Variants in SERPINA10 observed in about 807,000 individuals in gnomAD.
SERPINA10 encodes protein Z-dependent protease inhibitor.
A neutral mutation model predicts 28.0 loss-of-function variants in SERPINA10; 24 were observed. The observed-to-expected ratio is 0.86, with a 90% CI of 0.62 to 1.20. SERPINA10 has a LOEUF of 1.20. Ranked by LOEUF, SERPINA10 falls within the 50% of genes most tolerant of loss-of-function variation. The pLI is 0.00. For missense variants in SERPINA10, 521 were observed against 537.7 expected (o/e 0.97, Z 0.31); for synonymous variants, 207 against 203.9 (o/e 1.02, Z -0.13).
At chr14:94,289,519 A>G (rs1268923297) in intron 2 of SERPINA10, among the ~76,000 whole-genome samples, 1 of 152,224 alleles carries the variant, frequency 6.6e-6, no homozygotes, top group Non-Finnish European at 1.5e-5. Context: ...TAGGAATCTA[A>G]GGGCAGAGAG....
chr14:94,289,410 C>G (rs368566902), intron 2 of SERPINA10, among the ~76,000 whole-genome samples: 1 of 152,246 alleles, frequency 6.6e-6, no homozygotes, highest in Admixed American at 6.5e-5. Context: ...AATAGATACT[C>G]AGTGTCTGCT....
Position 94,283,401 on chromosome 14 carries a change from A to G in SERPINA10, c.*564T>C, listed in dbSNP as rs1241921685. On this transcript the variant is annotated 3_prime_UTR_variant, in exon 5 of 5. Coordinates refer to ENST00000261994, the MANE Select transcript of SERPINA10 (RefSeq NM_001100607.3). ...CTGCAGTCTCAGTTAACCATGGTCA[A>G]CCATGGTCCAAAAACATTAAATGAA... 1.3e-5 allele frequency: 2 copies of G among 153,638 alleles called. No homozygotes were observed. Among genetic ancestry groups the G allele is most frequent in the Admixed American group, 1.3e-4 (2 of 15,548 alleles). 9.5% of individuals were successfully genotyped at this position (153,638 alleles called of 1,614,324 possible).
Position 94,280,971 on chromosome 14 carries a change from T to C in SERPINA10, c.*2994A>G, listed in dbSNP as rs914262409. 1.3e-5 allele frequency: 2 copies of C among 152,216 alleles called. No homozygotes were observed. The highest frequency in any genetic ancestry group is 4.8e-5 in the African/African-American group (2 of 41,454). 9.4% of individuals were successfully genotyped at this position (152,216 alleles called of 1,614,324 possible). A position where few individuals can be genotyped will look rare whatever the true frequency, so the allele number is the denominator to read the frequency against. On this transcript the variant is annotated 3_prime_UTR_variant, in exon 5 of 5. Coordinates refer to ENST00000261994, the MANE Select transcript of SERPINA10 (RefSeq NM_001100607.3). ...TGAGTCAGTTTTGCCATACAATTAG[T>C]GGATATATGAGAAATCTTTGAATTG... is the stretch of plus-strand genomic sequence containing the variant.
Position 94,280,867 on chromosome 14 carries a change from T to C in SERPINA10, c.*3098A>G, listed in dbSNP as rs1367031778. On this transcript the variant is annotated 3_prime_UTR_variant, in exon 5 of 5. Coordinates refer to ENST00000261994, the MANE Select transcript of SERPINA10 (RefSeq NM_001100607.3). ...GGTTAAATAAGGAGCACATAAAGTT[T>C]TTCTTTATAACCTCTTACACATTTA... is the stretch of plus-strand genomic sequence containing the variant. 1 of 152,198 alleles carries C rather than the reference T, an allele frequency of 6.6e-6. No individual in the cohort carries two copies. The highest frequency in any genetic ancestry group is 1.5e-5 in the Non-Finnish European group (1 of 68,028). 9.4% of individuals were successfully genotyped at this position (152,198 alleles called of 1,614,324 possible).
intron 3 of SERPINA10, among the ~76,000 whole-genome samples, chr14:94,287,311 C>T (rs557185247): frequency 7.6e-4 from 115 of 152,264 alleles, no homozygotes; most frequent in Admixed American, 1.8e-3. Flanking sequence ...CCTGTTCCTC[C>T]CCCTTTCAGT....
rs1895086094 is a variant in SERPINA10 at position 94,288,666 on chromosome 14, CGTCTT to C, written c.719-112_719-108del. 3 of 1,438,426 alleles carry C rather than the reference CGTCTT, an allele frequency of 2.1e-6. No homozygotes were observed. In the East Asian group the frequency reaches 7.1e-5, roughly 34 times the overall value. 89.1% of individuals were successfully genotyped at this position (1,438,426 alleles called of 1,614,324 possible). A position where few individuals can be genotyped will look rare whatever the true frequency, so the allele number is the denominator to read the frequency against. On this transcript the variant is annotated intron_variant, in intron 2 of 4. Transcript: ENST00000261994. ...CTTCTATCTCACTTCTCTCACTTCT[CGTCTT>C]CTCGTTCCAACTAGGAAAGGCGTTC...
chr14:94,284,101 C>G lies in SERPINA10; in HGVS notation c.1199G>C (p.Gly400Ala). 2.5e-6 allele frequency: 4 copies of G among 1,614,102 alleles called. No homozygotes were observed. Among genetic ancestry groups the G allele is most frequent in the Non-Finnish European group, 3.4e-6 (4 of 1,179,936 alleles). The part of the protein sequence containing the change: ...VDERGTEAVA[G>A]ILSEITAYSM... Reference sequence around the variant, plus strand: ...ATAAGCAGTAATTTCTGACAAGATTCCTGCCACTGCCTCAGTGCCCCTTTC... The same window carrying G: ...ATAAGCAGTAATTTCTGACAAGATTGCTGCCACTGCCTCAGTGCCCCTTTC... The change falls in exon 5 of 5, where the codon GGA (glycine) becomes GCA (alanine). Residue 400 changes from glycine (G) to alanine (A), a missense_variant. Coordinates refer to ENST00000261994, the MANE Select transcript of SERPINA10 (RefSeq NM_001100607.3).
At position 94,290,265 on chromosome 14, in the gene SERPINA10, G is replaced by A. The variant is rs1193815477; in HGVS notation, c.329C>T (p.Thr110Ile). The A allele has an allele frequency of 1.2e-6, 2 of 1,614,202 alleles. No homozygotes were observed. The highest frequency in any genetic ancestry group is 1.3e-5 in the African/African-American group (1 of 75,062). Residue 110 changes from threonine (T) to isoleucine (I), a missense_variant, in exon 2 of 5, where the codon ACA (threonine) becomes ATA (isoleucine). Physicochemically the swap from Thr to Ile is moderately conservative, Grantham distance 89 (BLOSUM62 -1). Transcript: ENST00000261994. ...FSPFGMSLAMTGLMLGATGPT... is the reference protein window; with the variant it reads ...FSPFGMSLAMIGLMLGATGPT... Reference sequence around the variant, plus strand: ...CCCTGTGGCCCCCAGCATCAAGCCTGTCATGGCCAAGGACATGCCAAATGG... The same window carrying A: ...CCCTGTGGCCCCCAGCATCAAGCCTATCATGGCCAAGGACATGCCAAATGG...
chr14:94,292,566 G>C (rs1418232471), intron 1 of SERPINA10: 1 of 701,208 alleles, frequency 1.4e-6, no homozygotes, highest in East Asian at 2.7e-5. Context: ...AATTAGCCCA[G>C]CACGCCAACT....
intron 2 of SERPINA10, among the ~76,000 whole-genome samples, chr14:94,289,596 C>G (rs967283414): frequency 3.9e-5 from 6 of 152,014 alleles, no homozygotes; most frequent in African/African-American, 1.5e-4. Context: ...TCCCCCAGCC[C>G]CCTGTTTTTT....
chr14:94,286,075 G>A, intron 4 of SERPINA10, 33 bp downstream of exon 4: 1 of 1,613,132 alleles, frequency 6.2e-7, no homozygotes, highest in Non-Finnish European at 8.5e-7. Context: ...ATTTCATGCT[G>A]AGGTTGGGCT....
At chr14:94,291,784 G>C (rs1481323053) in intron 1 of SERPINA10, among the ~76,000 whole-genome samples, 1 of 152,216 alleles carries the variant, frequency 6.6e-6, no homozygotes, top group African/African-American at 2.4e-5. Flanking sequence ...GTGCTGCCAG[G>C]CCTCTTCCTG....
At chr14:94,288,209 G>A (rs1566718530) in intron 3 of SERPINA10, 77 bp downstream of exon 3, 14 of 1,562,984 alleles carry the variant, frequency 9.0e-6, no homozygotes, top group East Asian at 2.2e-5. Flanking sequence ...AAATCACGGT[G>A]CATTCAATGA....
rs376827829 is a variant in SERPINA10 at position 94,283,941 on chromosome 14, C to T, written c.*24G>A. ...CTCAGATTCAGCATCTACTACAGCA[C>T]GAAGTGCTTATGCGTGTCCTGAATT... On this transcript the variant is annotated 3_prime_UTR_variant, in exon 5 of 5. Coordinates refer to ENST00000261994, the MANE Select transcript of SERPINA10 (RefSeq NM_001100607.3). 103 of 1,611,560 alleles carry T rather than the reference C, an allele frequency of 6.4e-5. No homozygotes were observed. Among genetic ancestry groups the T allele is most frequent in the Admixed American group, 4.8e-4 (29 of 59,992 alleles).
chr14:94,286,175 C>T lies in SERPINA10; in HGVS notation c.1076G>A (p.Arg359Lys). The T allele has an allele frequency of 1.2e-6, 2 of 1,614,106 alleles. No individual in the cohort carries two copies. The highest frequency in any genetic ancestry group is 1.7e-6 in the Non-Finnish European group (2 of 1,180,014). Residue 359 changes from arginine (R) to lysine (K), a missense_variant, in exon 4 of 5, where the codon AGA becomes AAA. Transcript: ENST00000261994. ...HELLRQMGIR[R>K]IFSPFADLSE... The stretch of plus-strand genomic sequence containing the variant: ...AAGGTCAGCAAAGGGTGAGAAGATT[C>T]TTCTGATTCCCATCTGCCTAAGCAG...
intron 2 of SERPINA10, among the ~76,000 whole-genome samples, chr14:94,289,204 C>T (rs1364432282): frequency 6.6e-6 from 1 of 152,232 alleles, no homozygotes; most frequent in African/African-American, 2.4e-5. Context: ...ATCCAACCCA[C>T]GTCCAGTGCC....
chr14:94,286,004 C>T (rs1895014051), intron 4 of SERPINA10, 104 bp downstream of exon 4: 2 of 1,388,734 alleles, frequency 1.4e-6, no homozygotes, highest in Non-Finnish European at 2.0e-6. Flanking sequence ...ATCTAATTTT[C>T]CACTACAATT....
In SERPINA10 at chr14:94,290,506, C is replaced by G. The variant is rs765799132; in HGVS notation, c.88G>C (p.Glu30Gln). 4.3e-6 allele frequency: 7 copies of G among 1,613,404 alleles called. No individual in the cohort carries two copies. The highest frequency in any genetic ancestry group is 1.3e-5 in the African/African-American group (1 of 75,030). Residue 30 changes from glutamate (E) to glutamine (Q), a missense_variant, in exon 2 of 5, where the codon GAG (glutamate) becomes CAG (glutamine). Coordinates refer to ENST00000261994, the MANE Select transcript of SERPINA10 (RefSeq NM_001100607.3). ...PGLAPSPQSP[E>Q]TPAPQNQTSR... ...GTCTGGTTCTGAGGGGCTGGGGTCTCTGGCGACTGAGGACTGGGGGCCAAG... is the reference window on the plus strand; with the variant it reads ...GTCTGGTTCTGAGGGGCTGGGGTCTGTGGCGACTGAGGACTGGGGGCCAAG...
intron 1 of SERPINA10, 92 bp from the exon 2 acceptor site, chr14:94,290,735 T>C: frequency 1.4e-6 from 2 of 1,424,404 alleles, no homozygotes; most frequent in Non-Finnish European, 1.9e-6. Flanking sequence ...GCCTCCTTCC[T>C]GTGGCTCAAG....
Sources: allele counts gnomAD v4.1 joint callset (sites outside exome capture counted in the v4.1 genomes callset), GRCh38; gene constraint gnomAD v4.1.1; transcripts MANE v1.5; gene names NCBI Gene and HGNC (gene_info 2026-07-23, HGNC 2026-07-21).